The following DACH2 variants were observed in gnomAD, a reference collection of about 807,000 sequenced individuals.
DACH2 encodes dachshund family transcription factor 2, also known as dachshund homolog 2.
A neutral mutation model predicts 35.8 loss-of-function variants in DACH2; 17 were observed. The ratio of observed to expected loss-of-function variants is 0.48; its 90% CI spans 0.33 to 0.71. The LOEUF (loss-of-function observed/expected upper bound fraction) is 0.71. DACH2 is among the 30% of genes least tolerant of loss of function. DACH2 has a pLI of 0.02. For synonymous variants in DACH2, 195 were observed against 177.3 expected, an observed-to-expected ratio of 1.10 and a Z score of -0.79; for missense variants, 469 against 472.7, an observed-to-expected ratio of 0.99 and a Z score of 0.07.
intron 1 of DACH2, among the ~76,000 whole-genome samples, chrX:86,357,466 C>A (rs1370571483): frequency 2.7e-5 from 3 of 111,996 alleles, no homozygotes; most frequent in African/African-American, 9.7e-5. Context: ...GGGCTCTCTA[C>A]AAGAAAACAT....
intron 2 of DACH2, among the ~76,000 whole-genome samples, chrX:86,443,243 A>G (rs2037201109): frequency 9.0e-6 from 1 of 111,573 alleles, no homozygotes; most frequent in Non-Finnish European, 1.9e-5. Context: ...TTTCATCAAT[A>G]TTTTATAGTT....
At chrX:86,651,515 G>C (rs2040478107) in intron 4 of DACH2, among the ~76,000 whole-genome samples, 1 of 111,497 alleles carries the variant, frequency 9.0e-6, no homozygotes, top group South Asian at 3.7e-4. Flanking sequence ...ATTTACCACT[G>C]AAAGGCAATG....
chrX:86,624,067 A>C (rs1007390476), intron 3 of DACH2, among the ~76,000 whole-genome samples: 1 of 105,724 alleles, frequency 9.5e-6, no homozygotes, highest in Non-Finnish European at 1.9e-5. Flanking sequence ...AAACAAAAAA[A>C]AAAAAAAAAA....
intron 2 of DACH2, among the ~76,000 whole-genome samples, chrX:86,489,959 G>T (rs1330384096): frequency 3.6e-5 from 4 of 111,628 alleles, no homozygotes; most frequent in African/African-American, 1.3e-4. Context: ...TAGCGTCTTT[G>T]GACAAGGAAA....
chrX:86,702,111 G>T (rs1387846393), intron 5 of DACH2, among the ~76,000 whole-genome samples: 1 of 111,668 alleles, frequency 9.0e-6, no homozygotes, highest in Non-Finnish European at 1.9e-5. Flanking sequence ...GAAATCAACT[G>T]CCAAAGGAAC....
chrX:86,546,354 TTCC>T (rs57200715), intron 3 of DACH2, among the ~76,000 whole-genome samples: 99 of 67,308 alleles, frequency 1.5e-3, no homozygotes, highest in African/African-American at 3.4e-3. Flanking sequence ...CTTCTTCTTC[TTCC>T]TCTTCTTCTT....
At chrX:86,573,246 C>A (rs1203038713) in intron 3 of DACH2, among the ~76,000 whole-genome samples, 1 of 110,356 alleles carries the variant, frequency 9.1e-6, no homozygotes, top group Non-Finnish European at 1.9e-5. Flanking sequence ...AGGGGAGAGG[C>A]AAAGAACTTT....
chrX:86,596,022 T>A (rs772809661), intron 3 of DACH2, among the ~76,000 whole-genome samples: 1 of 111,555 alleles, frequency 9.0e-6, no homozygotes, highest in East Asian at 2.8e-4. Context: ...ATATATGGCC[T>A]TCTGTACTTG....
At chrX:86,431,674 A>G (rs34710976) in intron 2 of DACH2, among the ~76,000 whole-genome samples, 3 of 111,900 alleles carry the variant, frequency 2.7e-5, no homozygotes, top group African/African-American at 9.7e-5. Context: ...CAATATAATA[A>G]CAGTGTAATT....
chrX:86,320,594 A>G (rs971109462), intron 1 of DACH2, among the ~76,000 whole-genome samples: 1 of 112,140 alleles, frequency 8.9e-6, no homozygotes, highest in African/African-American at 3.2e-5. Flanking sequence ...GTGGGGTGTA[A>G]ACAGTTAAGT....
chrX:86,426,280 T>C (rs147257409), intron 2 of DACH2, among the ~76,000 whole-genome samples: 1 of 111,301 alleles, frequency 9.0e-6, no homozygotes, highest in East Asian at 2.8e-4. Context: ...CTATCAAATC[T>C]TTTCCCCACT....
chrX:86,335,264 G>T (rs1293840861), intron 1 of DACH2, among the ~76,000 whole-genome samples: 4 of 111,229 alleles, frequency 3.6e-5, no homozygotes, highest in Non-Finnish European at 5.7e-5. Context: ...AAAATTTAAA[G>T]TATTTTTTTT....
At chrX:86,419,611 A>G (rs918528879) in intron 2 of DACH2, among the ~76,000 whole-genome samples, 7 of 112,293 alleles carry the variant, frequency 6.2e-5, no homozygotes, top group African/African-American at 2.3e-4. Flanking sequence ...TTACAATTCA[A>G]GATGAGATTT....
intron 3 of DACH2, among the ~76,000 whole-genome samples, chrX:86,546,757 G>T (rs1424939671): frequency 2.8e-5 from 3 of 108,718 alleles, no homozygotes; most frequent in Non-Finnish European, 5.7e-5. Flanking sequence ...CTTGTGATCT[G>T]CCAGCCTCGG....
chrX:86,340,142 C>T (rs2035388833), intron 1 of DACH2, among the ~76,000 whole-genome samples: 1 of 111,770 alleles, frequency 8.9e-6, no homozygotes, highest in Non-Finnish European at 1.9e-5. Flanking sequence ...CTTGTACAGG[C>T]ATACCTTGTT....
At chrX:86,594,083 T>C (rs2039682735) in intron 3 of DACH2, among the ~76,000 whole-genome samples, 1 of 111,899 alleles carries the variant, frequency 8.9e-6, no homozygotes, top group African/African-American at 3.2e-5. Context: ...GGTAATTGAC[T>C]CTTTCAAGGA....
intron 2 of DACH2, among the ~76,000 whole-genome samples, chrX:86,396,671 T>G (rs1406361650): frequency 1.2e-4 from 13 of 111,302 alleles, no homozygotes; most frequent in African/African-American, 4.3e-4. Flanking sequence ...CTTGTTTTTC[T>G]CAGGTTTGTC....
chrX:86,618,615 A>T (rs1036656279), intron 3 of DACH2, among the ~76,000 whole-genome samples: 2 of 112,174 alleles, frequency 1.8e-5, no homozygotes, highest in African/African-American at 3.2e-5. Flanking sequence ...CATAGATGTA[A>T]ACTATTATTA....
chrX:86,252,189 T>C (rs887703205), intron 1 of DACH2, among the ~76,000 whole-genome samples: 1 of 110,397 alleles, frequency 9.1e-6, no homozygotes, highest in African/African-American at 3.3e-5. Flanking sequence ...TTGATGTGAT[T>C]GATTTTTTTT....
Sources: gnomAD v4.1 joint callset for allele counts (sites outside exome capture counted in the v4.1 genomes callset) on GRCh38, gnomAD v4.1.1 for gene constraint, MANE v1.5 for transcripts, NCBI Gene and HGNC (gene_info 2026-07-23, HGNC 2026-07-21) for gene names.